Variants in CLIC4 observed in about 807,000 individuals in gnomAD.
CLIC4 encodes the protein chloride intracellular channel protein 4.
A neutral mutation model predicts 24.6 loss-of-function variants in CLIC4; 13 were observed. The observed-to-expected ratio is 0.53, with a 90% confidence interval of 0.34 to 0.84. The LOEUF is 0.84. Ranked by LOEUF, CLIC4 falls within the 40% of genes least tolerant of loss-of-function variation. CLIC4 has a pLI of 0.01. For synonymous variants in CLIC4, 104 were observed against 111.3 expected (o/e 0.93, Z 0.41); for missense variants, 227 against 301.7 (o/e 0.75, Z 1.83).
In CLIC4 at chr1:24,842,637, A is replaced by T. The variant is rs1408132541; in HGVS notation, c.*1700A>T. The T allele has an allele frequency of 6.6e-6, 1 of 152,146 alleles. No homozygotes were observed. The highest frequency in any genetic ancestry group is 1.9e-4 in the East Asian group (1 of 5,206). 9.4% of individuals were successfully genotyped at this position (152,146 alleles called of 1,614,324 possible). A position where few individuals can be genotyped will look rare whatever the true frequency, so the allele number is the denominator to read the frequency against. ...TGTTGTATCCATTTGGCTCAGGAAG[A>T]TTCTTTGCCTTACCTTTCTTAGAAC... On this transcript the variant is annotated 3_prime_UTR_variant, in exon 6 of 6. Coordinates refer to ENST00000374379, the MANE Select transcript of CLIC4 (RefSeq NM_013943.3).
chr1:24,840,759 T>C lies in CLIC4; in HGVS notation c.598-14T>C, dbSNP rs1462745982. 3 of 1,592,332 alleles carry C rather than the reference T, an allele frequency of 1.9e-6. No individual in the cohort carries two copies. In the African/African-American group the frequency reaches 4.1e-5, roughly 22 times the overall value. ...GAAATAAGTCTGTTAACTTTTGATC[T>C]CTTTGTATTTCAGGTGGTGGCCAAA... On this transcript the variant is annotated splice_polypyrimidine_tract_variant and intron_variant, in intron 5 of 5. Transcript: ENST00000374379.
intron 1 of CLIC4, among the ~76,000 whole-genome samples, chr1:24,752,296 C>T (rs972569705): frequency 2.6e-5 from 4 of 152,072 alleles, no homozygotes; most frequent in Admixed American, 2.0e-4. Context: ...AATAAGTTAT[C>T]CCCCCACAAA....
intron 1 of CLIC4, among the ~76,000 whole-genome samples, chr1:24,758,435 A>G (rs1047246229): frequency 6.6e-6 from 1 of 151,024 alleles, no homozygotes; most frequent in African/African-American, 2.4e-5. Flanking sequence ...AGCTGGGATT[A>G]TAGGCGCCTG....
chr1:24,798,739 T>G (rs1441430927), intron 2 of CLIC4, among the ~76,000 whole-genome samples: 2 of 151,044 alleles, frequency 1.3e-5, no homozygotes, highest in Non-Finnish European at 3.0e-5. Context: ...CCATCTCGGC[T>G]CACTGCAACC....
intron 1 of CLIC4, among the ~76,000 whole-genome samples, chr1:24,755,996 AT>A (rs972121749): frequency 0.064 from 4,029 of 63,346 alleles, 190 homozygotes; most frequent in African/African-American, 0.2. Context: ...TAATTTTTTG[AT>A]TTTTTTTTTT....
chr1:24,746,024 C>A (rs941278485), intron 1 of CLIC4, among the ~76,000 whole-genome samples: 1 of 151,348 alleles, frequency 6.6e-6, no homozygotes, highest in African/African-American at 2.4e-5. Context: ...CCCCAGCGCT[C>A]CGGTCCGCCG....
intron 2 of CLIC4, 107 bp from the exon 3 acceptor site, chr1:24,813,987 G>T: frequency 7.7e-7 from 1 of 1,302,164 alleles, no homozygotes; most frequent in South Asian, 1.2e-5. Flanking sequence ...GTAGTGCTAC[G>T]ACTACAGACG....
intron 1 of CLIC4, among the ~76,000 whole-genome samples, chr1:24,769,399 A>G (rs1212437059): frequency 6.6e-6 from 1 of 152,198 alleles, no homozygotes; most frequent in African/African-American, 2.4e-5. Flanking sequence ...TAATCCTCAT[A>G]TAAACTTTGA....
chr1:24,841,018 C>A lies in CLIC4; in HGVS notation c.*81C>A. On this transcript the variant is annotated 3_prime_UTR_variant, in exon 6 of 6. Coordinates refer to ENST00000374379, the MANE Select transcript of CLIC4 (RefSeq NM_013943.3). ...TAACAGGCTACTCCTTCCTGTAGAG[C>A]AGAAATTGTATTTTGCACGAACATG... 1 of 1,233,202 alleles carries A rather than the reference C, an allele frequency of 8.1e-7. No homozygotes were observed. The highest frequency in any genetic ancestry group is 1.5e-5 in the African/African-American group (1 of 65,446). The allele number at this position is 1,233,202 out of a possible 1,614,324, so 76.4% of individuals were successfully genotyped here.
intron 2 of CLIC4, among the ~76,000 whole-genome samples, chr1:24,803,926 AT>A (rs1301339653): frequency 5.9e-5 from 9 of 152,196 alleles, no homozygotes; most frequent in African/African-American, 2.4e-5. Flanking sequence ...CACTTTTGTA[AT>A]AGTTTAAAAT....
At chr1:24,758,815 AT>A (rs1363443468) in intron 1 of CLIC4, among the ~76,000 whole-genome samples, 6 of 151,290 alleles carry the variant, frequency 4.0e-5, no homozygotes, top group East Asian at 1.9e-4. Flanking sequence ...TTTTATTTTT[AT>A]TTTTTTATTT....
chr1:24,781,159 G>C, intron 1 of CLIC4, among the ~76,000 whole-genome samples: 1 of 129,108 alleles, frequency 7.7e-6, no homozygotes, highest in Admixed American at 8.5e-5. Flanking sequence ...TTTTGAGACA[G>C]AGTCTCACTC....
At chr1:24,794,816 A>G (rs1639380740) in intron 1 of CLIC4, among the ~76,000 whole-genome samples, 1 of 152,104 alleles carries the variant, frequency 6.6e-6, no homozygotes, top group Admixed American at 6.6e-5. Flanking sequence ...CAGGGTTTTT[A>G]TAGTTTTGGG....
At chr1:24,812,914 T>G (rs1639629129) in intron 2 of CLIC4, among the ~76,000 whole-genome samples, 1 of 152,044 alleles carries the variant, frequency 6.6e-6, no homozygotes, top group African/African-American at 2.4e-5. Flanking sequence ...AGACGGAGTT[T>G]CACCATGTTG....
chr1:24,760,072 AT>A (rs1158363983), intron 1 of CLIC4, among the ~76,000 whole-genome samples: 1 of 152,164 alleles, frequency 6.6e-6, no homozygotes, highest in Non-Finnish European at 1.5e-5. Flanking sequence ...CTTGCCTCAA[AT>A]TTTAAATAGG....
chr1:24,826,915 A>G (rs1639791921), intron 3 of CLIC4, 95 bp from the exon 4 acceptor site: 1 of 763,988 alleles, frequency 1.3e-6, no homozygotes, highest in East Asian at 2.6e-5. Context: ...ATAACTATTA[A>G]AAGACGTCTA....
chr1:24,756,382 A>G (rs1208640212), intron 1 of CLIC4, among the ~76,000 whole-genome samples: 1 of 152,166 alleles, frequency 6.6e-6, no homozygotes, highest in Non-Finnish European at 1.5e-5. Flanking sequence ...TTGTACCTTT[A>G]AGCATCCTTT....
intron 1 of CLIC4, among the ~76,000 whole-genome samples, chr1:24,790,737 C>G (rs1021629735): frequency 1.3e-5 from 2 of 152,186 alleles, no homozygotes; most frequent in African/African-American, 2.4e-5. Flanking sequence ...TTTGGAGGCC[C>G]TGGTTTCCTC....
At chr1:24,758,113 AAT>A (rs1410529249) in intron 1 of CLIC4, among the ~76,000 whole-genome samples, 2 of 152,078 alleles carry the variant, frequency 1.3e-5, no homozygotes, top group Non-Finnish European at 2.9e-5. Context: ...TTGAAAAGGT[AAT>A]GTCATTTCCT....
Sources: gnomAD v4.1 joint callset for allele counts (sites outside exome capture counted in the v4.1 genomes callset) on GRCh38, gnomAD v4.1.1 for gene constraint, MANE v1.5 for transcripts, NCBI Gene and HGNC (gene_info 2026-07-23, HGNC 2026-07-21) for gene names.